SSBP3: variants seen among roughly 807,000 people sequenced by gnomAD.
The protein encoded by SSBP3 is single-stranded DNA-binding protein 3.
In SSBP3, 5 loss-of-function variants were observed where a neutral mutation model predicts 69.6. The observed-to-expected ratio is 0.07, with a 90% confidence interval of 0.04 to 0.15. The LOEUF (loss-of-function observed/expected upper bound fraction) is 0.15. Among genes scored for constraint, SSBP3 ranks in the 10% least tolerant of loss-of-function variants. The probability of loss-of-function intolerance (pLI) is 1.00; values close to 1 mark genes in which losing one functional copy is unlikely to be tolerated. For missense variants in SSBP3, 312 were observed against 534.0 expected (o/e 0.58, Z 4.10); for synonymous variants, 196 against 193.4 (o/e 1.01, Z -0.11).
At chr1:54,298,696 C>G (rs531518793) in intron 4 of SSBP3, among the ~76,000 whole-genome samples, 1 of 152,036 alleles carries the variant, frequency 6.6e-6, no homozygotes, top group African/African-American at 2.4e-5. Flanking sequence ...ACTTGTCTTG[C>G]CACTCACTCT....
rs759681829 is a variant in SSBP3, at chr1:54,404,841, G to A, written c.129+17C>T. 1.2e-5 allele frequency: 19 copies of A among 1,591,262 alleles called. No individual in the cohort carries two copies. Among genetic ancestry groups the A allele is most frequent in the Admixed American group, 1.7e-5 (1 of 59,540 alleles). ...GGGGGTGTCAAGAAATTGGATGCTG[G>A]GGGGAGTCCCACTCACCTCCGATAA... On this transcript the variant is annotated intron_variant, in intron 2 of 17. Transcript: ENST00000610401.
intron 4 of SSBP3, among the ~76,000 whole-genome samples, chr1:54,327,947 T>TA (rs1355116367): frequency 6.6e-6 from 1 of 152,114 alleles, no homozygotes; most frequent in Non-Finnish European, 1.5e-5. Context: ...ATATACCAAA[T>TA]ATAGTTCCGT....
chr1:54,376,741 G>A (rs1647251831), intron 4 of SSBP3, among the ~76,000 whole-genome samples: 1 of 152,172 alleles, frequency 6.6e-6, no homozygotes, highest in South Asian at 2.1e-4. Flanking sequence ...CGCATCAAAG[G>A]TAGATATTCA....
At chr1:54,244,156 A>T (rs537735030) in intron 9 of SSBP3, among the ~76,000 whole-genome samples, 107 of 150,084 alleles carry the variant, frequency 7.1e-4, no homozygotes, top group African/African-American at 2.6e-3. Flanking sequence ...CAGGCAGGAG[A>T]GCAGTGGCAT....
intron 4 of SSBP3, among the ~76,000 whole-genome samples, chr1:54,360,061 A>G (rs1646927205): frequency 6.6e-6 from 1 of 152,248 alleles, no homozygotes; most frequent in African/African-American, 2.4e-5. Flanking sequence ...TGCTCAAAGA[A>G]ATAAAAAGAA....
At chr1:54,228,175 C>T (rs895652154) in intron 17 of SSBP3, 80 bp downstream of exon 17, 105 of 1,331,092 alleles carry the variant, frequency 7.9e-5, no homozygotes, top group Non-Finnish European at 9.2e-5. Flanking sequence ...GGCTGCAGCC[C>T]GGCTCCGTAG....
At chr1:54,298,828 G>A (rs1645748025) in intron 4 of SSBP3, among the ~76,000 whole-genome samples, 1 of 152,026 alleles carries the variant, frequency 6.6e-6, no homozygotes, top group Non-Finnish European at 1.5e-5. Context: ...GCAAATACGC[G>A]TCGCCCACTT....
At chr1:54,351,063 G>A (rs1397670500) in intron 4 of SSBP3, among the ~76,000 whole-genome samples, 1 of 152,142 alleles carries the variant, frequency 6.6e-6, no homozygotes, top group Non-Finnish European at 1.5e-5. Context: ...CCTAGCTCAA[G>A]CAATCTGCCC....
chr1:54,233,218 G>A (rs1428291775), intron 14 of SSBP3, among the ~76,000 whole-genome samples: 3 of 144,928 alleles, frequency 2.1e-5, no homozygotes, highest in African/African-American at 7.8e-5. Flanking sequence ...TGTGGGGAGC[G>A]CCTCTGCCCC....
In SSBP3 at chr1:54,258,007, G is replaced by C; in HGVS notation, c.447+62C>G. On this transcript the variant is annotated intron_variant, in intron 6 of 17. Coordinates refer to ENST00000610401, the Ensembl canonical transcript of SSBP3. The surrounding 1 kb of genome is among the most constrained non-coding windows in gnomAD (Gnocchi z 4.5). ...ATTTTGATTTTTGTTTTTCCTCTGC[G>C]GGCTCTCTGCTTCCTCCGCGCCCCG... The C allele has an allele frequency of 2.7e-6, 4 of 1,486,330 alleles. No homozygotes were observed. Among genetic ancestry groups the C allele is most frequent in the Non-Finnish European group, 3.6e-6 (4 of 1,098,858 alleles). 92.1% of individuals were successfully genotyped at this position (1,486,330 alleles called of 1,614,324 possible).
At chr1:54,236,665 T>C (rs902428579) in intron 14 of SSBP3, 5 of 152,216 alleles carry the variant, frequency 3.3e-5, no homozygotes, top group Non-Finnish European at 5.9e-5. Flanking sequence ...CTTTAAAAAA[T>C]AGCAGTTTTC....
intron 4 of SSBP3, among the ~76,000 whole-genome samples, chr1:54,399,979 C>G (rs1649178976): frequency 6.6e-6 from 1 of 152,124 alleles, no homozygotes; most frequent in African/African-American, 2.4e-5. Context: ...TTTTTACACC[C>G]CACACATATG....
chr1:54,229,442 T>A (rs1035830383), intron 14 of SSBP3, among the ~76,000 whole-genome samples: 3 of 150,892 alleles, frequency 2.0e-5, no homozygotes, highest in African/African-American at 7.3e-5. Context: ...GTTTGATGAG[T>A]GGTGGGGAAG....
chr1:54,254,082 C>G (rs1460765325), intron 7 of SSBP3, among the ~76,000 whole-genome samples: 1 of 152,186 alleles, frequency 6.6e-6, no homozygotes, highest in Non-Finnish European at 1.5e-5. Flanking sequence ...ACTAAGAGGG[C>G]TGAAGCCCTC....
At chr1:54,338,333 G>A (rs1646546564) in intron 4 of SSBP3, among the ~76,000 whole-genome samples, 2 of 152,214 alleles carry the variant, frequency 1.3e-5, no homozygotes, top group South Asian at 2.1e-4. Flanking sequence ...AAATCCTTGA[G>A]GGACAATACC....
chr1:54,315,467 T>G (rs1646078302), intron 4 of SSBP3, among the ~76,000 whole-genome samples: 1 of 152,144 alleles, frequency 6.6e-6, no homozygotes, highest in Non-Finnish European at 1.5e-5. Flanking sequence ...AGTTATAACA[T>G]TTTTCATCTA....
At chr1:54,302,915 C>T (rs1047314440) in intron 4 of SSBP3, among the ~76,000 whole-genome samples, 1 of 152,210 alleles carries the variant, frequency 6.6e-6, no homozygotes, top group East Asian at 1.9e-4. Flanking sequence ...CATGCCCTGG[C>T]AGTGCTAGGC....
rs142711362 is a variant in SSBP3 at position 54,335,195 on chromosome 1, G to A, written c.277-53668C>T. Among the ~76,000 whole-genome samples the A allele has an allele frequency of 1.1e-3, 168 of 152,278 alleles. 4 individuals carry two copies. In the South Asian group the frequency reaches 0.027, roughly 25 times the overall value. ...CCCATCAAGAAGGGCAAAGCACTAC[G>A]CTTTCAAAAATAAAGCCACATGTGC... is the stretch of plus-strand genomic sequence containing the variant. On this transcript the variant is annotated intron_variant, in intron 4 of 17. Transcript: ENST00000610401.
At chr1:54,337,921 T>A (rs1439101849) in intron 4 of SSBP3, among the ~76,000 whole-genome samples, 2 of 152,152 alleles carry the variant, frequency 1.3e-5, no homozygotes, top group South Asian at 2.1e-4. Context: ...TTGAGCCCAG[T>A]AGTTCAAGAC....
Sources: gnomAD v4.1 joint callset for allele counts (sites outside exome capture counted in the v4.1 genomes callset) on GRCh38, gnomAD v4.1.1 for gene constraint, Gnocchi (gnomAD v3.1) non-coding constraint, MANE v1.5 for transcripts, NCBI Gene and HGNC (gene_info 2026-07-23, HGNC 2026-07-21) for gene names.